NLRP14: variants seen among roughly 807,000 people sequenced by gnomAD.
NLRP14 encodes the protein NACHT, LRR and PYD domains-containing protein 14.
In NLRP14, 105 loss-of-function variants were observed where a neutral mutation model predicts 94.7. That is an observed-to-expected ratio of 1.11 (90% CI 0.95 to 1.30). The LOEUF is 1.30. Ranked by LOEUF, NLRP14 falls within the 50% of genes most tolerant of loss-of-function variation. NLRP14 has a pLI of 0.00. For synonymous variants in NLRP14, 508 were observed against 459.9 expected (o/e 1.10, Z -1.34); for missense variants, 1,362 against 1,254.1 (o/e 1.09, Z -1.30).
the NLRP14 span, chr11:7,090,474 C>A: frequency 1.2e-6 from 1 of 867,990 alleles, no homozygotes; most frequent in Non-Finnish European, 1.8e-6. Context: ...ACTTAAAATT[C>A]GTTTAGTTTA....
intron 8 of NLRP14, among the ~76,000 whole-genome samples, chr11:7,059,118 A>G (rs986515097): frequency 1.3e-5 from 2 of 151,310 alleles, no homozygotes; most frequent in Non-Finnish European, 3.0e-5. Context: ...TTGGCCTTTT[A>G]TATTTAGGAA....
the NLRP14 span, among the ~76,000 whole-genome samples, chr11:7,087,120 T>G: frequency 1.1e-4 from 17 of 152,312 alleles, no homozygotes; most frequent in African/African-American, 4.1e-4. Context: ...GGAGTCACAC[T>G]CAGGAGCCAA....
chr11:7,050,223 G>C (rs1322258698), intron 6 of NLRP14, among the ~76,000 whole-genome samples: 2 of 152,186 alleles, frequency 1.3e-5, no homozygotes, highest in Admixed American at 1.3e-4. Context: ...ACTGGGGGCA[G>C]TGCTGGGGCA....
At chr11:7,089,992 G>A in the NLRP14 span, 2 of 1,613,138 alleles carry the variant, frequency 1.2e-6, no homozygotes, top group South Asian at 2.2e-5. Context: ...GAGCTGCGCG[G>A]CGCCGCCCCA....
At chr11:7,038,154 G>T (rs1471402538) in intron 1 of NLRP14, among the ~76,000 whole-genome samples, 1 of 152,140 alleles carries the variant, frequency 6.6e-6, no homozygotes, top group Non-Finnish European at 1.5e-5. Flanking sequence ...GATGAGGATG[G>T]ACAGTTAGCA....
chr11:7,062,574 G>A (rs1852641640), intron 10 of NLRP14, 71 bp downstream of exon 10: 3 of 1,362,806 alleles, frequency 2.2e-6, no homozygotes, highest in Non-Finnish European at 3.1e-6. Flanking sequence ...GATATTTAGT[G>A]TATGGAGAGA....
At chr11:7,041,132 G>A (rs545917242) in intron 3 of NLRP14, among the ~76,000 whole-genome samples, 20 of 152,092 alleles carry the variant, frequency 1.3e-4, no homozygotes, top group African/African-American at 4.3e-4. Flanking sequence ...CTATAGTTTC[G>A]TGGTAGGTTT....
intron 8 of NLRP14, 109 bp downstream of exon 8, chr11:7,058,559 C>A: frequency 1.2e-6 from 1 of 811,278 alleles, no homozygotes; most frequent in South Asian, 1.5e-5. Flanking sequence ...TCCCTGTTAC[C>A]CTTAATGAAG....
intron 1 of NLRP14, among the ~76,000 whole-genome samples, chr11:7,034,874 G>A (rs1006002443): frequency 6.6e-6 from 1 of 152,110 alleles, no homozygotes; most frequent in African/African-American, 2.4e-5. Context: ...GCTAATGAAC[G>A]ACCCTGAATT....
chr11:7,069,862 G>C (rs936393831), intron 10 of NLRP14, among the ~76,000 whole-genome samples: 1 of 151,932 alleles, frequency 6.6e-6, no homozygotes, highest in Non-Finnish European at 1.5e-5. Flanking sequence ...CCTAACCTCA[G>C]ATGATCTGCC....
chr11:7,082,536 C>A, the NLRP14 span, among the ~76,000 whole-genome samples: 2 of 152,128 alleles, frequency 1.3e-5, no homozygotes, highest in African/African-American at 4.8e-5. Flanking sequence ...ATGGTTTCAC[C>A]CTTCGAGGCA....
chr11:7,026,277 G>A (rs1018234942), intron 1 of NLRP14, among the ~76,000 whole-genome samples: 87 of 151,990 alleles, frequency 5.7e-4, no homozygotes, highest in East Asian at 4.1e-3. Flanking sequence ...GCTAATATCC[G>A]GAATCTACAA....
At chr11:7,035,150 A>G (rs937199725) in intron 1 of NLRP14, among the ~76,000 whole-genome samples, 1 of 151,082 alleles carries the variant, frequency 6.6e-6, no homozygotes. Flanking sequence ...AAATAAATAA[A>G]TAAATAAATA....
chr11:7,056,568 G>A (rs1852519247), intron 6 of NLRP14, among the ~76,000 whole-genome samples: 1 of 143,876 alleles, frequency 7.0e-6, no homozygotes, highest in South Asian at 2.2e-4. Context: ...GGAAGGATAA[G>A]AGAAAATGAA....
At chr11:7,041,450 T>TTCTA (rs1302153735) in intron 3 of NLRP14, among the ~76,000 whole-genome samples, 1 of 152,172 alleles carries the variant, frequency 6.6e-6, no homozygotes, top group Non-Finnish European at 1.5e-5. Flanking sequence ...GAGGATCATA[T>TTCTA]TCTACATAAT....
intron 10 of NLRP14, among the ~76,000 whole-genome samples, chr11:7,064,749 T>C (rs1420934315): frequency 6.6e-6 from 1 of 152,166 alleles, no homozygotes; most frequent in East Asian, 1.9e-4. Context: ...ATTAGGAAGC[T>C]TTGGAGCCTC....
chr11:7,079,488 A>C, the NLRP14 span, among the ~76,000 whole-genome samples: 37 of 152,354 alleles, frequency 2.4e-4, no homozygotes, highest in Admixed American at 9.1e-4. Context: ...ATATTCATCA[A>C]TTGTATTTTT....
chr11:7,045,140 C>G (rs1037865354), intron 4 of NLRP14, among the ~76,000 whole-genome samples: 1 of 152,166 alleles, frequency 6.6e-6, no homozygotes, highest in Non-Finnish European at 1.5e-5. Flanking sequence ...TAAGAGCATA[C>G]ATTTCATTTA....
chr11:7,022,084 A>C (rs2119536666), intron 1 of NLRP14, among the ~76,000 whole-genome samples: 1 of 152,324 alleles, frequency 6.6e-6, no homozygotes, highest in East Asian at 1.9e-4. Context: ...CAAGACTTTT[A>C]GGAATGAATT....
Sources: gnomAD v4.1 joint callset for allele counts (sites outside exome capture counted in the v4.1 genomes callset) on GRCh38, gnomAD v4.1.1 for gene constraint, MANE v1.5 for transcripts, NCBI Gene and HGNC (gene_info 2026-07-23, HGNC 2026-07-21) for gene names.